TENM3: variants seen among roughly 807,000 people sequenced by gnomAD.
The protein encoded by TENM3 is teneurin transmembrane protein 3.
Under a neutral mutation model 255.1 loss-of-function variants are expected in TENM3, and 63 were observed. The observed-to-expected ratio is 0.25, with a 90% CI of 0.20 to 0.30. The LOEUF (loss-of-function observed/expected upper bound fraction) is 0.30, where lower values mean the gene tolerates loss of function less well. TENM3 is among the 10% of genes least tolerant of loss of function. TENM3 has a pLI of 1.00. For synonymous variants in TENM3, 1,306 were observed against 1,322.3 expected, an observed-to-expected ratio of 0.99 and a Z score of 0.27; for missense variants, 2,929 against 3,461.1, an observed-to-expected ratio of 0.85 and a Z score of 3.86.
the TENM3 span, among the ~76,000 whole-genome samples, chr4:181,913,191 T>C: frequency 2.6e-5 from 4 of 152,066 alleles, no homozygotes; most frequent in South Asian, 4.1e-4. Context: ...TAATGAGCCA[T>C]GTGCACTAAC....
chr4:182,153,762 G>C (rs1305328432), intron 1 of TENM3, among the ~76,000 whole-genome samples: 2 of 152,096 alleles, frequency 1.3e-5, no homozygotes, highest in Non-Finnish European at 2.9e-5. Flanking sequence ...AACATATCAA[G>C]TTTGGTAAAT....
the TENM3 span, among the ~76,000 whole-genome samples, chr4:181,681,788 G>A: frequency 6.6e-6 from 1 of 152,066 alleles, no homozygotes; most frequent in East Asian, 1.9e-4. Context: ...GATAAAGTGG[G>A]TGATTTTTCT....
the TENM3 span, among the ~76,000 whole-genome samples, chr4:181,958,507 T>C: frequency 4.6e-5 from 7 of 152,232 alleles, no homozygotes; most frequent in African/African-American, 1.2e-4. Flanking sequence ...TGCTTCACTC[T>C]ACATCAGATA....
At chr4:181,941,347 C>T in the TENM3 span, among the ~76,000 whole-genome samples, 1 of 149,598 alleles carries the variant, frequency 6.7e-6, no homozygotes, top group South Asian at 2.1e-4. Context: ...TCTATTTCAT[C>T]TATTATTACT....
the TENM3 span, among the ~76,000 whole-genome samples, chr4:181,999,636 C>T: frequency 1.3e-5 from 2 of 152,110 alleles, no homozygotes; most frequent in African/African-American, 4.8e-5. Flanking sequence ...TGTCATCCAA[C>T]ACATCAGACA....
chr4:182,360,818 G>A (rs959399775), intron 3 of TENM3, among the ~76,000 whole-genome samples: 4 of 152,066 alleles, frequency 2.6e-5, no homozygotes, highest in Non-Finnish European at 2.9e-5. Flanking sequence ...TCCTAGTCTC[G>A]ATGGCCTTTA....
the TENM3 span, among the ~76,000 whole-genome samples, chr4:181,628,570 G>A: frequency 6.6e-6 from 1 of 152,180 alleles, no homozygotes; most frequent in African/African-American, 2.4e-5. Flanking sequence ...AGTTTTCCCA[G>A]CACCACTTAT....
the TENM3 span, among the ~76,000 whole-genome samples, chr4:181,639,820 T>A: frequency 2.0e-5 from 3 of 152,296 alleles, no homozygotes; most frequent in East Asian, 5.8e-4. Flanking sequence ...CTCCTGATTT[T>A]GTTCCTACTT....
chr4:182,134,740 A>G, the TENM3 span, among the ~76,000 whole-genome samples: 2 of 152,216 alleles, frequency 1.3e-5, no homozygotes, highest in Admixed American at 1.3e-4. Context: ...AAACAAAGCC[A>G]GAGCTACGTC....
At chr4:182,268,789 AG>A (rs1759420582) in intron 1 of TENM3, among the ~76,000 whole-genome samples, 1 of 152,324 alleles carries the variant, frequency 6.6e-6, no homozygotes, top group African/African-American at 2.4e-5. Flanking sequence ...TGGTCTAAAA[AG>A]GGGAGGCATT....
intron 3 of TENM3, among the ~76,000 whole-genome samples, chr4:182,464,506 C>G (rs1192205250): frequency 3.3e-5 from 5 of 152,224 alleles, no homozygotes; most frequent in Non-Finnish European, 5.9e-5. Context: ...ATCCGCCCAT[C>G]TCTGCCTCCC....
the TENM3 span, among the ~76,000 whole-genome samples, chr4:181,723,065 TCTA>T: frequency 6.6e-6 from 1 of 152,142 alleles, no homozygotes; most frequent in Non-Finnish European, 1.5e-5. Context: ...AAATGTGTGT[TCTA>T]CTAAGCCAGA....
At chr4:182,493,154 C>T (rs544014732) in intron 3 of TENM3, among the ~76,000 whole-genome samples, 1 of 152,078 alleles carries the variant, frequency 6.6e-6, no homozygotes, top group South Asian at 2.1e-4. Context: ...ACTCTTGTGG[C>T]CTTCTTTTGT....
chr4:182,767,361 A>C (rs748139803), intron 22 of TENM3, among the ~76,000 whole-genome samples: 2 of 152,200 alleles, frequency 1.3e-5, no homozygotes, highest in Non-Finnish European at 2.9e-5. Context: ...ATGTTTAGTC[A>C]TGACGGGGTT....
the TENM3 span, among the ~76,000 whole-genome samples, chr4:182,016,680 T>C: frequency 1.3e-5 from 2 of 152,194 alleles, no homozygotes; most frequent in Admixed American, 6.5e-5. Context: ...GTCCAAAATA[T>C]ACCCATCATA....
At chr4:181,628,522 G>C in the TENM3 span, among the ~76,000 whole-genome samples, 1 of 152,184 alleles carries the variant, frequency 6.6e-6, no homozygotes, top group Non-Finnish European at 1.5e-5. Context: ...AAGGTGTAAG[G>C]AAGGGATCCA....
At position 182,628,352 on chromosome 4, in the gene TENM3, A is replaced by G. The variant is rs190015949; in HGVS notation, c.750-299A>G. Reference sequence around the variant, plus strand: ...GTTCAGGAAACAGTATGATTAGAAAATCTTTATAGTCTCTCAAGATGTCTA... The same window carrying G: ...GTTCAGGAAACAGTATGATTAGAAAGTCTTTATAGTCTCTCAAGATGTCTA... On this transcript the variant is annotated intron_variant, in intron 4 of 27. Coordinates refer to ENST00000511685, the MANE Select transcript of TENM3 (RefSeq NM_001080477.4). 2.5e-3 allele frequency among the ~76,000 whole-genome samples: 385 copies of G among 152,262 alleles called. 1 individual carries two copies. Among genetic ancestry groups the G allele is most frequent in the African/African-American group, 8.9e-3 (371 of 41,554 alleles).
chr4:181,779,454 A>T, the TENM3 span, among the ~76,000 whole-genome samples: 1 of 151,642 alleles, frequency 6.6e-6, no homozygotes, highest in East Asian at 1.9e-4. Context: ...GTCCAAAACC[A>T]CCCTGGGATG....
intron 1 of TENM3, among the ~76,000 whole-genome samples, chr4:182,182,789 C>T (rs1020420926): frequency 2.0e-5 from 3 of 152,124 alleles, no homozygotes; most frequent in Admixed American, 1.3e-4. Flanking sequence ...TTAGAGTACA[C>T]GTGTAAAAAG....
Sources: allele counts gnomAD v4.1 joint callset (sites outside exome capture counted in the v4.1 genomes callset), GRCh38; gene constraint gnomAD v4.1.1; transcripts MANE v1.5; gene names NCBI Gene and HGNC (gene_info 2026-07-23, HGNC 2026-07-21).